The following IL4I1 variants were observed in gnomAD, a reference collection of about 807,000 sequenced individuals.
IL4I1 encodes L-amino-acid oxidase.
A neutral mutation model predicts 29.7 loss-of-function variants in IL4I1; 24 were observed. The observed-to-expected ratio is 0.81, with a 90% CI of 0.59 to 1.14. IL4I1 has a LOEUF of 1.14. Among genes scored for constraint, IL4I1 ranks in the 50% most tolerant of loss-of-function variants. The pLI is 0.00. For synonymous variants in IL4I1, 371 were observed against 352.5 expected, an observed-to-expected ratio of 1.05 and a Z score of -0.59; for missense variants, 686 against 785.6, an observed-to-expected ratio of 0.87 and a Z score of 1.52.
In IL4I1 at chr19:49,905,111, G is replaced by C. The variant is rs369278138; in HGVS notation, c.-227-790C>G. 4.6e-5 allele frequency among the ~76,000 whole-genome samples: 7 copies of C among 152,242 alleles called. No homozygotes were observed. In the South Asian group the frequency reaches 8.3e-4, roughly 18 times the overall value. On this transcript the variant is annotated intron_variant, in intron 2 of 9. Coordinates refer to the IL4I1 transcript ENST00000341114. ...GATCCACCCGCCTCGGCCTCCCAAAGCTGGAATTTATTTTAAAAATATAAC... is the reference window on the plus strand; with the variant it reads ...GATCCACCCGCCTCGGCCTCCCAAACCTGGAATTTATTTTAAAAATATAAC...
intron 5 of IL4I1, 42 bp from the exon 6 acceptor site, chr19:49,891,515 A>T: frequency 6.3e-7 from 1 of 1,584,812 alleles, no homozygotes; most frequent in Non-Finnish European, 8.7e-7. Flanking sequence ...CTGCCCGGGC[A>T]GCCAGGGTGG....
intron 5 of IL4I1, among the ~76,000 whole-genome samples, chr19:49,892,684 C>T (rs889858600): frequency 3.9e-5 from 6 of 152,196 alleles, no homozygotes; most frequent in Non-Finnish European, 8.8e-5. Flanking sequence ...CTTCTTGGTC[C>T]ACCTGGCTTC....
chr19:49,927,092 A>G (rs2075913633), intron 2 of IL4I1, among the ~76,000 whole-genome samples: 1 of 151,924 alleles, frequency 6.6e-6, no homozygotes, highest in Admixed American at 6.6e-5. Flanking sequence ...AATTCCTGAG[A>G]TCAAGCAATC....
intron 2 of IL4I1, chr19:49,908,837 G>T: frequency 6.2e-7 from 1 of 1,612,588 alleles, no homozygotes. Flanking sequence ...GGCGGAGCTG[G>T]CAGCCGCCCC....
At chr19:49,917,208 G>A (rs2075647656) in intron 2 of IL4I1, among the ~76,000 whole-genome samples, 1 of 152,224 alleles carries the variant, frequency 6.6e-6, no homozygotes, top group South Asian at 2.1e-4. Flanking sequence ...GCTCAGCCCA[G>A]GGAAATTTGA....
intron 2 of IL4I1, among the ~76,000 whole-genome samples, chr19:49,925,521 C>G (rs1273997158): frequency 6.6e-6 from 1 of 151,568 alleles, no homozygotes; most frequent in Admixed American, 6.6e-5. Context: ...GAGACAAAAC[C>G]AAATGGAAGC....
Position 49,895,098 on chromosome 19 carries a change from A to C in IL4I1, c.335T>G (p.Leu112Arg). The C allele has an allele frequency of 1.9e-6, 3 of 1,613,722 alleles. No homozygotes were observed. The highest frequency in any genetic ancestry group is 2.5e-6 in the Non-Finnish European group (3 of 1,179,790). Residue 112 changes from leucine (L) to arginine (R), a missense_variant, in exon 4 of 8, where the codon CTG becomes CGG. Leu to Arg is a moderately radical substitution (Grantham distance 102). Coordinates refer to ENST00000391826, the MANE Select transcript of IL4I1 (RefSeq NM_152899.2). The part of the protein sequence containing the change: ...RDQNTGWIGE[L>R]GAMRMPSSHR... ...AGAGCTGGGCATGCGCATGGCTCCC[A>C]GCTCCCCAATCCAGCCCGTGTTCTG...
At chr19:49,904,373 A>G (rs2075297227) in intron 2 of IL4I1, 1 of 152,188 alleles carries the variant, frequency 6.6e-6, no homozygotes, top group African/African-American at 2.4e-5. Flanking sequence ...GGTGGCACCC[A>G]GTCGGTTGCT....
chr19:49,891,008 C>T lies in IL4I1; in HGVS notation c.736G>A (p.Ala246Thr). 1 of 1,507,720 alleles carries T rather than the reference C, an allele frequency of 6.6e-7. No individual in the cohort carries two copies. The highest frequency in any genetic ancestry group is 8.9e-7 in the Non-Finnish European group (1 of 1,118,264). The allele number at this position is 1,507,720 out of a possible 1,614,324, so 93.4% of individuals were successfully genotyped here. Reference protein sequence around the residue: ...DGFFYLSFAEALRAHSCLSDR... With the variant: ...DGFFYLSFAETLRAHSCLSDR... ...CTGAGGCAGCTGTGGGCCCGGAGGG[C>T]CTCGGCGAAGCTGAGATAGAAGAAG... is the stretch of plus-strand genomic sequence containing the variant. The change falls in exon 7 of 8, where the codon GCC becomes ACC. Residue 246 changes from alanine to threonine, a missense_variant. Coordinates refer to ENST00000391826, the MANE Select transcript of IL4I1 (RefSeq NM_152899.2).
chr19:49,929,055 G>A (rs549695089), intron 1 of IL4I1: 1 of 152,406 alleles, frequency 6.6e-6, no homozygotes, highest in East Asian at 1.9e-4. Context: ...CTAGGAGTGG[G>A]AAGGAAAGGC....
chr19:49,901,838 C>T (rs1462485222), upstream of IL4I1: 3 of 585,046 alleles, frequency 5.1e-6, no homozygotes, highest in South Asian at 6.7e-5. Context: ...AAGGCAGGTC[C>T]CCCTTTCTCA....
At chr19:49,896,276 C>T (rs1371432827) in intron 1 of IL4I1, 94 bp from the exon 2 acceptor site, 16 of 1,397,588 alleles carry the variant, frequency 1.1e-5, no homozygotes, top group Middle Eastern at 4.9e-4. Flanking sequence ...CTGCTAGAGC[C>T]GGCCCTCCCC....
chr19:49,890,938 C>CCCCCCCCCGCCCGCCAGCCCCG (rs2075128493), intron 7 of IL4I1, 33 bp downstream of exon 7: 1 of 359,742 alleles, frequency 2.8e-6, no homozygotes, highest in South Asian at 3.8e-5. Flanking sequence ...TGCCCCCCGC[C>CCCCCCCCCGCCCGCCAGCCCCG]CCCCCCCCCT....
chr19:49,899,120 C>T (rs747156907), upstream of IL4I1, among the ~76,000 whole-genome samples: 64 of 152,358 alleles, frequency 4.2e-4, no homozygotes, highest in Admixed American at 2.7e-3. Context: ...GCTGGCATTC[C>T]TCACCAGGTC....
chr19:49,899,068 C>T (rs1002053286), upstream of IL4I1, among the ~76,000 whole-genome samples: 13 of 152,234 alleles, frequency 8.5e-5, no homozygotes, highest in Non-Finnish European at 1.6e-4. Flanking sequence ...GGGCCTTATT[C>T]GCCTGTGCCT....
At position 49,890,456 on chromosome 19, in the gene IL4I1, C is replaced by CG. The variant is rs2075118140; in HGVS notation, c.917dup (p.Ala307GlyfsTer64). The CG allele has an allele frequency of 1.2e-6, 2 of 1,611,934 alleles. No homozygotes were observed. The highest frequency in any genetic ancestry group is 1.7e-6 in the Non-Finnish European group (2 of 1,179,780). ...CCTTCAGCACCTTCAGATTCCGCGC[C>CG]GGGGGAGAGGTCTCGATCTGCACGT... is the stretch of plus-strand genomic sequence containing the variant. On this transcript the variant is annotated frameshift_variant, in exon 8 of 8. Transcript: ENST00000391826. LOFTEE classifies it low-confidence loss of function (END_TRUNC).
intron 2 of IL4I1, among the ~76,000 whole-genome samples, chr19:49,918,895 T>G (rs1161418333): frequency 4.1e-5 from 3 of 72,342 alleles, no homozygotes; most frequent in African/African-American, 5.9e-5. Context: ...TTTGGGAGGC[T>G]GGGGGGGGGG....
chr19:49,909,228 T>C (rs1176438558), intron 2 of IL4I1: 10 of 1,614,042 alleles, frequency 6.2e-6, no homozygotes, highest in Non-Finnish European at 8.5e-6. Context: ...GCTGCTGGCG[T>C]GGCCGGAGTG....
chr19:49,907,981 C>G, intron 2 of IL4I1: 1 of 655,838 alleles, frequency 1.5e-6, no homozygotes, highest in Non-Finnish European at 2.5e-6. Context: ...TGGGTGGTCG[C>G]AGTAGGTGAA....
Sources: gnomAD v4.1 joint callset for allele counts (sites outside exome capture counted in the v4.1 genomes callset) on GRCh38, gnomAD v4.1.1 for gene constraint, MANE v1.5 for transcripts, NCBI Gene and HGNC (gene_info 2026-07-23, HGNC 2026-07-21) for gene names.